The following ZFHX3 variants were observed in gnomAD, a reference collection of about 807,000 sequenced individuals.
The protein encoded by ZFHX3 is zinc finger homeobox protein 3.
In ZFHX3, 42 loss-of-function variants were observed where a neutral mutation model predicts 279.1. The ratio of observed to expected loss-of-function variants is 0.15; its 90% CI spans 0.12 to 0.19. The LOEUF is 0.19. ZFHX3 is among the 10% of genes least tolerant of loss of function. The pLI is 1.00. For synonymous variants in ZFHX3, 2,293 were observed against 1,957.8 expected (o/e 1.17, Z -4.52); for missense variants, 4,981 against 4,754.0 (o/e 1.05, Z -1.40).
At chr16:73,164,190 C>T (rs538345220) in intron 5 of ZFHX3, among the ~76,000 whole-genome samples, 1 of 152,288 alleles carries the variant, frequency 6.6e-6, no homozygotes, top group South Asian at 2.1e-4. Context: ...TTTCCATTTC[C>T]TGAATCTCTC....
At chr16:72,936,896 C>T (rs1162722209) in intron 3 of ZFHX3, among the ~76,000 whole-genome samples, 1 of 151,608 alleles carries the variant, frequency 6.6e-6, no homozygotes, top group Non-Finnish European at 1.5e-5. Flanking sequence ...TACAGAGAGA[C>T]GATGGGGGCT....
At position 72,957,846 on chromosome 16, in the gene ZFHX3, C is replaced by T. The variant is rs1961338875; in HGVS notation, c.2300G>A (p.Ser767Asn). ...LQNGGGEQVF[S>N]HTAGAAAAAV... ...CGCCGCCGCCGCCCCGGCAGTGTGGCTGAAGACCTGCTCCCCCCCTCCATT... is the reference window on the plus strand; with the variant it reads ...CGCCGCCGCCGCCCCGGCAGTGTGGTTGAAGACCTGCTCCCCCCCTCCATT... Residue 767 changes from serine (S) to asparagine (N), a missense_variant, in exon 2 of 10, where the codon AGC becomes AAC. Transcript: ENST00000268489. The T allele has an allele frequency of 6.2e-7, 1 of 1,613,554 alleles. No individual in the cohort carries two copies.
chr16:73,459,401 C>T (rs1036466372), intron 2 of ZFHX3, among the ~76,000 whole-genome samples: 10 of 152,026 alleles, frequency 6.6e-5, no homozygotes, highest in African/African-American at 1.7e-4. Flanking sequence ...CTCATTATGT[C>T]GCCCAGGCTG....
chr16:73,514,178 G>A (rs2019481527), intron 2 of ZFHX3, among the ~76,000 whole-genome samples: 1 of 152,040 alleles, frequency 6.6e-6, no homozygotes, highest in African/African-American at 2.4e-5. Context: ...AGCCCAGGAG[G>A]CAGAGGTTGC....
At chr16:73,521,168 G>A (rs1200606732) in intron 2 of ZFHX3, among the ~76,000 whole-genome samples, 1 of 152,134 alleles carries the variant, frequency 6.6e-6, no homozygotes, top group African/African-American at 2.4e-5. Context: ...TCTTGTTGTG[G>A]CTGGTTGGTT....
chr16:73,052,716 G>T (rs964280652), upstream of ZFHX3, among the ~76,000 whole-genome samples: 1 of 152,174 alleles, frequency 6.6e-6, no homozygotes, highest in Non-Finnish European at 1.5e-5. Flanking sequence ...ATGAAAAAAA[G>T]AAGTCTAAAA....
At chr16:73,000,141 C>T (rs1278689670) in intron 1 of ZFHX3, among the ~76,000 whole-genome samples, 2 of 152,160 alleles carry the variant, frequency 1.3e-5, no homozygotes, top group Non-Finnish European at 1.5e-5. Flanking sequence ...GTAAGTATCC[C>T]GGGCAGAAGA....
At chr16:73,696,668 C>G (rs186436078) in intron 1 of ZFHX3, among the ~76,000 whole-genome samples, 1 of 152,180 alleles carries the variant, frequency 6.6e-6, no homozygotes, top group Admixed American at 6.5e-5. Context: ...ATGTCAGCCC[C>G]GTCAAAGCCA....
intron 8 of ZFHX3, among the ~76,000 whole-genome samples, chr16:73,085,447 T>C (rs1966000411): frequency 6.6e-6 from 1 of 152,138 alleles, no homozygotes; most frequent in African/African-American, 2.4e-5. Context: ...GGTTTCACTA[T>C]GTTGGTCAGG....
At chr16:72,828,229 T>C (rs62051558) in intron 5 of ZFHX3, among the ~76,000 whole-genome samples, 3,893 of 152,222 alleles carry the variant, frequency 0.026, 82 homozygotes, top group Non-Finnish European at 0.038. Context: ...AACAAAAGTA[T>C]TGTAATATTA....
At position 72,950,523 on chromosome 16, in the gene ZFHX3, C is replaced by T. The variant is rs1301813262; in HGVS notation, c.3162G>A (p.Lys1054=). The change falls in exon 3 of 10, where the codon AAG becomes AAA. Residue 1054 remains lysine (K), a synonymous_variant. Coordinates refer to ENST00000268489, the MANE Select transcript of ZFHX3 (RefSeq NM_006885.4). ...TGGAGTTGACCGTGTGCAGCCGCAG[C>T]TTCTCCAGGCTGTTGGTGTAGTAGT... ...ACDYYTNSLE[K]LRLHTVNSRH... 1 of 1,614,136 alleles carries T rather than the reference C, an allele frequency of 6.2e-7. No homozygotes were observed. The highest frequency in any genetic ancestry group is 1.7e-5 in the Admixed American group (1 of 60,008).
chr16:72,976,819 C>T (rs574691085), intron 1 of ZFHX3, among the ~76,000 whole-genome samples: 9 of 152,296 alleles, frequency 5.9e-5, no homozygotes, highest in South Asian at 2.1e-4. Flanking sequence ...CAAGTGGCAC[C>T]GCCGCCCTGA....
At chr16:73,686,008 G>C (rs2053078431) in intron 1 of ZFHX3, among the ~76,000 whole-genome samples, 1 of 152,198 alleles carries the variant, frequency 6.6e-6, no homozygotes, top group Admixed American at 6.6e-5. Context: ...AAATTAAACA[G>C]TTGTCTTTAT....
At chr16:72,790,183 T>C (rs2035637595) in intron 9 of ZFHX3, 1 of 152,262 alleles carries the variant, frequency 6.6e-6, no homozygotes, top group African/African-American at 2.4e-5. Flanking sequence ...TTCAGGTGTG[T>C]TGAGACTAGC....
At chr16:73,065,458 G>T (rs1004041601) in intron 8 of ZFHX3, among the ~76,000 whole-genome samples, 6 of 147,554 alleles carry the variant, frequency 4.1e-5, no homozygotes, top group South Asian at 2.2e-4. Flanking sequence ...AAACGTGAGG[G>T]TTTTTTTTTT....
At chr16:72,886,432 G>A (rs995320793) in intron 4 of ZFHX3, among the ~76,000 whole-genome samples, 8 of 152,106 alleles carry the variant, frequency 5.3e-5, no homozygotes, top group Non-Finnish European at 1.2e-4. Context: ...GAGGAACCTC[G>A]AAGGCACTGG....
intron 1 of ZFHX3, chr16:73,809,800 T>C (rs992897763): frequency 2.0e-5 from 3 of 152,082 alleles, no homozygotes; most frequent in South Asian, 4.2e-4. Context: ...AAAAACTCCA[T>C]TACCTAACCT....
intron 3 of ZFHX3, among the ~76,000 whole-genome samples, chr16:73,392,278 G>A (rs1406468902): frequency 6.6e-6 from 1 of 151,716 alleles, no homozygotes; most frequent in Non-Finnish European, 1.5e-5. Context: ...AAAATCAGCT[G>A]GGTGTGGTGG....
intron 2 of ZFHX3, among the ~76,000 whole-genome samples, chr16:73,582,261 A>C (rs1477343579): frequency 6.6e-6 from 1 of 151,794 alleles, no homozygotes; most frequent in Non-Finnish European, 1.5e-5. Context: ...TACCATGGCG[A>C]AGTGGGAACC....
Sources: allele counts gnomAD v4.1 joint callset (sites outside exome capture counted in the v4.1 genomes callset), GRCh38; gene constraint gnomAD v4.1.1; transcripts MANE v1.5; gene names NCBI Gene and HGNC (gene_info 2026-07-23, HGNC 2026-07-21).